Variants in ABHD16A observed in about 807,000 individuals in gnomAD.
ABHD16A encodes the protein phosphatidylserine lipase ABHD16A.
ABHD16A carries 47 observed loss-of-function variants against 89.8 expected under a neutral mutation model. The ratio of observed to expected loss-of-function variants is 0.52; its 90% confidence interval spans 0.41 to 0.67. The LOEUF (loss-of-function observed/expected upper bound fraction) is 0.67, where lower values mean the gene tolerates loss of function less well. Ranked by LOEUF, ABHD16A falls within the 30% of genes least tolerant of loss-of-function variation. ABHD16A has a pLI of 0.00. For synonymous variants in ABHD16A, 251 were observed against 280.4 expected (o/e 0.90, Z 1.05); for missense variants, 580 against 734.6 (o/e 0.79, Z 2.43).
At chr6:31,689,472 T>G in intron 12 of ABHD16A, 109 bp downstream of exon 12, 1 of 1,377,732 alleles carries the variant, frequency 7.3e-7, no homozygotes, top group Non-Finnish European at 9.6e-7. Flanking sequence ...TTCTACTTCC[T>G]CTCTCTTCTT....
Position 31,693,102 on chromosome 6 carries a change from C to T in ABHD16A, c.551G>A (p.Arg184His), listed in dbSNP as rs139667935. Reference protein sequence around the residue: ...GPSRRGVALLRPEPLHRGTAD... With the variant: ...GPSRRGVALLHPEPLHRGTAD... The stretch of plus-strand genomic sequence containing the variant: ...TGTCCCCCGGTGCAGGGGCTCTGGG[C>T]GAAGCAGGGCCACACCCCGGCGGGA... The change falls in exon 7 of 20, where the codon CGC becomes CAC. Residue 184 changes from arginine (R) to histidine (H), a missense_variant. Physicochemically the swap from Arg to His is conservative, Grantham distance 29. Coordinates refer to ENST00000395952, the MANE Select transcript of ABHD16A (RefSeq NM_021160.3). This position sits in a 1 kb window ranked among gnomAD's most constrained non-coding sequence, Gnocchi z 5.0. 1.4e-3 allele frequency: 2,314 copies of T among 1,614,100 alleles called. 5 individuals are homozygous for T. The highest frequency in any genetic ancestry group is 1.4e-3 in the Non-Finnish European group (1,639 of 1,180,006).
intron 5 of ABHD16A, 117 bp downstream of exon 5, chr6:31,696,831 T>TGGTG: frequency 1.1e-6 from 1 of 948,134 alleles, no homozygotes; most frequent in Admixed American, 1.8e-5. Context: ...ACACCCAGTG[T>TGGTG]GGTGGGTGGT....
intron 1 of ABHD16A, 60 bp downstream of exon 1, chr6:31,703,089 CA>C: frequency 7.3e-7 from 1 of 1,371,092 alleles, no homozygotes; most frequent in South Asian, 2.1e-5. Flanking sequence ...TTCTGGGGAG[CA>C]AAAGGCCGTA....
chr6:31,693,025 A>C lies in ABHD16A; in HGVS notation c.626+2T>G. On this transcript the variant is annotated splice_donor_variant, in intron 7 of 19. Coordinates refer to ENST00000395952, the MANE Select transcript of ABHD16A (RefSeq NM_021160.3). LOFTEE classifies it high-confidence loss of function. The surrounding 1 kb of genome is among the most constrained non-coding windows in gnomAD (Gnocchi z 5.0). ...GGGCCTCTCCTCGCTGCTGTTTCCC[A>C]CCTGGTGATCTGACAAGGCAGCTTC... 1 of 1,613,932 alleles carries C rather than the reference A, an allele frequency of 6.2e-7. No homozygotes were observed. The highest frequency in any genetic ancestry group is 8.5e-7 in the Non-Finnish European group (1 of 1,179,976).
At chr6:31,700,865 G>T in intron 4 of ABHD16A, 77 bp downstream of exon 4, 1 of 1,263,558 alleles carries the variant, frequency 7.9e-7, no homozygotes, top group Non-Finnish European at 1.2e-6. Flanking sequence ...TCACTAAAAT[G>T]TATTTGCACA....
In ABHD16A at chr6:31,687,423, ATAGGG is replaced by A; in HGVS notation, c.1593+70_1593+74del. 6.2e-7 allele frequency: 1 copy of A among 1,610,834 alleles called. No homozygotes were observed. The highest frequency in any genetic ancestry group is 8.5e-7 in the Non-Finnish European group (1 of 1,178,042). On this transcript the variant is annotated intron_variant, in intron 19 of 19. Coordinates refer to ENST00000395952, the MANE Select transcript of ABHD16A (RefSeq NM_021160.3). The surrounding 1 kb of genome is among the most constrained non-coding windows in gnomAD (Gnocchi z 6.3). ...ACAAAAGCTGCCACTTCCAATGCTT[ATAGGG>A]TATCCCCAGTCCCCCTATGTGAGCC...
In ABHD16A at chr6:31,701,351, G is replaced by C. The variant is rs979533224; in HGVS notation, c.190-11C>G. 1 of 1,600,006 alleles carries C rather than the reference G, an allele frequency of 6.2e-7. No homozygotes were observed. Among genetic ancestry groups the C allele is most frequent in the Non-Finnish European group, 8.5e-7 (1 of 1,174,928 alleles). On this transcript the variant is annotated splice_polypyrimidine_tract_variant and intron_variant, in intron 2 of 19. Coordinates refer to ENST00000395952, the MANE Select transcript of ABHD16A (RefSeq NM_021160.3). ...CCAGAATACTGAAGCCTGCAGCAGA[G>C]AGACAGGGACAGGCAATCAATACAC...
chr6:31,687,934 AT>A lies in ABHD16A; in HGVS notation c.1371-35del. The stretch of plus-strand genomic sequence containing the variant: ...GAAGTGCCAGGACAGGTCAGGGCTG[AT>A]TTTTTTTCATTCACCATCCCTGAAC... On this transcript the variant is annotated intron_variant, in intron 16 of 19. Transcript: ENST00000395952. The surrounding 1 kb of genome is among the most constrained non-coding windows in gnomAD (Gnocchi z 6.3). 5 of 1,611,836 alleles carry A rather than the reference AT, an allele frequency of 3.1e-6. No homozygotes were observed. The highest frequency in any genetic ancestry group is 1.7e-6 in the Non-Finnish European group (2 of 1,179,720).
At chr6:31,692,357 GTCA>G (rs1275129525) in intron 7 of ABHD16A, 1 of 162,978 alleles carries the variant, frequency 6.1e-6, no homozygotes, top group African/African-American at 2.4e-5. Flanking sequence ...TTAGCACACT[GTCA>G]ACAACCAACC....
At chr6:31,702,152 T>C (rs778891338) in intron 1 of ABHD16A, 22 bp from the exon 2 acceptor site, 1 of 1,612,726 alleles carries the variant, frequency 6.2e-7, no homozygotes, top group Non-Finnish European at 8.5e-7. Context: ...GATGGCCTCC[T>C]TAAGGACCCT....
At chr6:31,701,483 T>G (rs1804996979) in intron 2 of ABHD16A, 143 bp from the exon 3 acceptor site, 1 of 688,912 alleles carries the variant, frequency 1.5e-6, no homozygotes, top group Non-Finnish European at 2.5e-6. Context: ...ATGAATACAG[T>G]AGGTGCTCAG....
Position 31,690,362 on chromosome 6 carries a change from G to T in ABHD16A, c.907+177C>A. 1 of 726,030 alleles carries T rather than the reference G, an allele frequency of 1.4e-6. No individual in the cohort carries two copies. The highest frequency in any genetic ancestry group is 2.4e-6 in the Non-Finnish European group (1 of 424,438). 45.0% of individuals were successfully genotyped at this position (726,030 alleles called of 1,614,324 possible). On this transcript the variant is annotated intron_variant, in intron 10 of 19. Transcript: ENST00000395952. This position sits in a 1 kb window ranked among gnomAD's most constrained non-coding sequence, Gnocchi z 4.1. ...GAAAAGCATAATAGCTAGGGACACA[G>T]GCCAGGGGAGGGATGTAAGGTTATC...
chr6:31,697,435 T>C (rs1176422784), intron 4 of ABHD16A, among the ~76,000 whole-genome samples: 1 of 152,238 alleles, frequency 6.6e-6, no homozygotes, highest in African/African-American at 2.4e-5. Context: ...CAATGTTTGC[T>C]TTCTGCCTCT....
chr6:31,688,078 G>A lies in ABHD16A; in HGVS notation c.1333C>T (p.Arg445Ter), dbSNP rs1452147400. 4 of 1,613,090 alleles carry A rather than the reference G, an allele frequency of 2.5e-6. No individual in the cohort carries two copies. The highest frequency in any genetic ancestry group is 1.7e-6 in the Non-Finnish European group (2 of 1,179,490). ...TTVPEDIMSNRGNDLLLKLLQ... is the reference protein window; with the variant it reads ...TTVPEDIMSN The stretch of plus-strand genomic sequence containing the variant: ...AGCTTCAGCAGGAGGTCATTGCCTC[G>A]GTTGGACATGATGTCCTCAGGAACC... Residue 445 changes from arginine to a stop codon, truncating the protein, a stop_gained, in exon 16 of 20, where the codon CGA (arginine) becomes TGA (stop). Coordinates refer to ENST00000395952, the MANE Select transcript of ABHD16A (RefSeq NM_021160.3). LOFTEE classifies it high-confidence loss of function. This position sits in a 1 kb window ranked among gnomAD's most constrained non-coding sequence, Gnocchi z 4.9.
At chr6:31,699,116 C>A (rs9267541) in intron 4 of ABHD16A, among the ~76,000 whole-genome samples, 2 of 152,026 alleles carry the variant, frequency 1.3e-5, no homozygotes, top group Non-Finnish European at 2.9e-5. Context: ...TTTGAGAAAA[C>A]CATGCCCTTG....
intron 7 of ABHD16A, chr6:31,692,740 T>TCCCCCCCCCCCC: frequency 9.3e-6 from 3 of 323,620 alleles, no homozygotes; most frequent in South Asian, 7.8e-5. Flanking sequence ...GTGTGTGTCC[T>TCCCCCCCCCCCC]CCCCACCCCC....
rs1346070343 is a variant in ABHD16A at position 31,687,498 on chromosome 6, C to T, written c.1593G>A (p.Leu531=). ...TCCCACTTCCCACTCCTTAGCTCAC[C>T]AGAAACAAAGCCAGCTGCCGCCGTC... The part of the protein sequence containing the change: ...ADGRRQLALF[L]ARKHLHNFEA... Residue 531 remains leucine (L), a splice_region_variant and synonymous_variant, in exon 19 of 20, where the codon CTG becomes CTA. Transcript: ENST00000395952. The surrounding 1 kb of genome is among the most constrained non-coding windows in gnomAD (Gnocchi z 6.3). 6.2e-7 allele frequency: 1 copy of T among 1,613,070 alleles called. No homozygotes were observed. The highest frequency in any genetic ancestry group is 1.7e-5 in the Admixed American group (1 of 60,012).
intron 4 of ABHD16A, among the ~76,000 whole-genome samples, chr6:31,699,740 T>A (rs1450262117): frequency 3.3e-5 from 5 of 151,792 alleles, no homozygotes; most frequent in Non-Finnish European, 7.4e-5. Flanking sequence ...GCCCAGTTAA[T>A]TTTTTGTATT....
In ABHD16A at chr6:31,688,225, G is replaced by A. The variant is rs760446233; in HGVS notation, c.1307+24C>T. On this transcript the variant is annotated intron_variant, in intron 15 of 19. Transcript: ENST00000395952. This position sits in a 1 kb window ranked among gnomAD's most constrained non-coding sequence, Gnocchi z 4.9. ...TCCTGGCCATCTCTGGGGTTCCTGA[G>A]GGCCGAGATTCCCACGCACTCACGT... 1.1e-5 allele frequency: 17 copies of A among 1,613,434 alleles called. No homozygotes were observed. Among genetic ancestry groups the A allele is most frequent in the Non-Finnish European group, 1.2e-5 (14 of 1,179,538 alleles).
Sources: gnomAD v4.1 joint callset for allele counts (sites outside exome capture counted in the v4.1 genomes callset) on GRCh38, gnomAD v4.1.1 for gene constraint, Gnocchi (gnomAD v3.1) non-coding constraint, MANE v1.5 for transcripts, NCBI Gene and HGNC (gene_info 2026-07-23, HGNC 2026-07-21) for gene names.